Variants in DCP1B observed in about 807,000 individuals in gnomAD.
The protein encoded by DCP1B is mRNA-decapping enzyme 1B.
Under a neutral mutation model 60.5 loss-of-function variants are expected in DCP1B, and 47 were observed. That is an observed-to-expected ratio of 0.78 (90% CI 0.61 to 0.99). The LOEUF (loss-of-function observed/expected upper bound fraction) is 0.99, where lower values mean the gene tolerates loss of function less well. DCP1B is among the 50% of genes least tolerant of loss of function. DCP1B has a pLI of 0.00. For missense variants in DCP1B, 725 were observed against 756.8 expected, an observed-to-expected ratio of 0.96 and a Z score of 0.49; for synonymous variants, 267 against 280.3, an observed-to-expected ratio of 0.95 and a Z score of 0.47.
chr12:1,992,023 C>T (rs2039547984), intron 3 of DCP1B: 1 of 307,682 alleles, frequency 3.3e-6, no homozygotes, highest in Admixed American at 3.5e-5. Flanking sequence ...CAAAACAATT[C>T]AAACTATAAA....
intron 3 of DCP1B, among the ~76,000 whole-genome samples, chr12:1,985,604 T>C (rs1468336799): frequency 1.3e-5 from 2 of 152,222 alleles, no homozygotes; most frequent in East Asian, 3.8e-4. Flanking sequence ...TACTGATTTT[T>C]TCCTTGACAG....
At position 1,948,498 on chromosome 12, in the gene DCP1B, G is replaced by A. The variant is rs1225938471; in HGVS notation, c.1773+588C>T. Among the ~76,000 whole-genome samples, 1 of 152,246 alleles carries A rather than the reference G, an allele frequency of 6.6e-6. No individual in the cohort carries two copies. Among genetic ancestry groups the A allele is most frequent in the Non-Finnish European group, 1.5e-5 (1 of 68,036 alleles). On this transcript the variant is annotated intron_variant, in intron 8 of 8. Coordinates refer to ENST00000280665, the MANE Select transcript of DCP1B (RefSeq NM_152640.5). The surrounding 1 kb of genome is among the most constrained non-coding windows in gnomAD (Gnocchi z 4.8). ...GGGCCCGGCGCCAGCTCTGTGGAGTGTTAGCTATTATAGCACTCATTATTA... is the reference window on the plus strand; with the variant it reads ...GGGCCCGGCGCCAGCTCTGTGGAGTATTAGCTATTATAGCACTCATTATTA...
intron 4 of DCP1B, 126 bp from the exon 5 acceptor site, chr12:1,965,819 T>C (rs570964218): frequency 8.9e-6 from 11 of 1,238,768 alleles, no homozygotes; most frequent in Non-Finnish European, 2.1e-6. Flanking sequence ...TAAGCTTGCT[T>C]AGGAATTTAA....
At chr12:1,981,100 T>C (rs1237988633) in intron 3 of DCP1B, among the ~76,000 whole-genome samples, 1 of 152,200 alleles carries the variant, frequency 6.6e-6, no homozygotes, top group Non-Finnish European at 1.5e-5. Context: ...ATGATGAGGA[T>C]GTATGGCATT....
In DCP1B at chr12:1,977,939, A is replaced by G. The variant is rs559485332; in HGVS notation, c.320-10029T>C. Among the ~76,000 whole-genome samples, 4 of 152,350 alleles carry G rather than the reference A, an allele frequency of 2.6e-5. No individual in the cohort carries two copies. In the South Asian group the frequency reaches 8.3e-4, roughly 32 times the overall value. Reference sequence around the variant, plus strand: ...AGCCACCAAGAAAATATCTACTATTATATTTTTAAACTGTATTGTTTTTAT... The same window carrying G: ...AGCCACCAAGAAAATATCTACTATTGTATTTTTAAACTGTATTGTTTTTAT... On this transcript the variant is annotated intron_variant, in intron 3 of 8. Coordinates refer to ENST00000280665, the MANE Select transcript of DCP1B (RefSeq NM_152640.5).
chr12:1,954,749 TTGG>T (rs1434678388), intron 6 of DCP1B, among the ~76,000 whole-genome samples: 7 of 152,210 alleles, frequency 4.6e-5, no homozygotes, highest in Non-Finnish European at 1.0e-4. Flanking sequence ...CTCTGTGTCC[TTGG>T]TGGTTCTCCC....
intron 2 of DCP1B, 110 bp downstream of exon 2, chr12:1,997,825 C>A (rs767376481): frequency 1.1e-5 from 10 of 911,112 alleles, no homozygotes; most frequent in South Asian, 3.2e-5. Context: ...AGATTTAATT[C>A]TTTTACTTCT....
intron 1 of DCP1B, 75 bp downstream of exon 1, chr12:2,004,204 GTCC>G (rs1291800345): frequency 1.3e-6 from 2 of 1,576,368 alleles, no homozygotes; most frequent in South Asian, 1.1e-5. Flanking sequence ...CCCTCACCGG[GTCC>G]TCAAGTCCTG....
chr12:1,966,791 G>A (rs1228123963), intron 4 of DCP1B, among the ~76,000 whole-genome samples: 2 of 152,214 alleles, frequency 1.3e-5, no homozygotes, highest in Non-Finnish European at 2.9e-5. Context: ...TCTGCACCTT[G>A]AGCTAGTTAC....
intron 3 of DCP1B, among the ~76,000 whole-genome samples, chr12:1,979,036 G>A (rs2154463544): frequency 6.6e-6 from 1 of 152,300 alleles, no homozygotes; most frequent in Non-Finnish European, 1.5e-5. Flanking sequence ...TGCTTTCGGA[G>A]TCTCACTCTG....
At position 1,991,690 on chromosome 12, in the gene DCP1B, G is replaced by C. The variant is rs977657924; in HGVS notation, c.319+1574C>G. On this transcript the variant is annotated intron_variant, in intron 3 of 8. Transcript: ENST00000280665. ...GTGGACAGCACACGCTTAGAACCAA[G>C]GTGTATGTTTATTAGATCTAAATAG... is the stretch of plus-strand genomic sequence containing the variant. 14 of 161,668 alleles carry C rather than the reference G, an allele frequency of 8.7e-5. No homozygotes were observed. The South Asian group carries it at 2.2e-3, about 25-fold the overall frequency. 10.0% of individuals were successfully genotyped at this position (161,668 alleles called of 1,614,324 possible). A position where few individuals can be genotyped will look rare whatever the true frequency, so the allele number is the denominator to read the frequency against.
At chr12:1,964,063 A>AT (rs2031214387) in intron 5 of DCP1B, among the ~76,000 whole-genome samples, 1 of 152,190 alleles carries the variant, frequency 6.6e-6, no homozygotes, top group Admixed American at 6.5e-5. Flanking sequence ...AAATGCCAAC[A>AT]TTACTACAAA....
At chr12:1,980,544 C>T (rs931633849) in intron 3 of DCP1B, among the ~76,000 whole-genome samples, 4 of 151,412 alleles carry the variant, frequency 2.6e-5, no homozygotes, top group East Asian at 1.9e-4. Flanking sequence ...TTTCATTATC[C>T]CAAAGGTATC....
intron 5 of DCP1B, among the ~76,000 whole-genome samples, chr12:1,959,832 C>T (rs184185665): frequency 1.0e-3 from 157 of 151,990 alleles, no homozygotes; most frequent in Non-Finnish European, 2.6e-4. Context: ...TGGTGGAGGG[C>T]GCCTGTAGTC....
chr12:1,986,762 A>T (rs1380418948), intron 3 of DCP1B, among the ~76,000 whole-genome samples: 2 of 152,090 alleles, frequency 1.3e-5, no homozygotes, highest in African/African-American at 4.8e-5. Flanking sequence ...TCACCACCAT[A>T]GCAGTTTTTC....
intron 7 of DCP1B, chr12:1,950,189 C>G: frequency 1.6e-6 from 1 of 606,400 alleles, no homozygotes. Flanking sequence ...TAATCAATCC[C>G]TTAGCGTCTC....
intron 3 of DCP1B, among the ~76,000 whole-genome samples, chr12:1,968,410 G>C (rs115317082): frequency 6.7e-6 from 1 of 149,632 alleles, no homozygotes; most frequent in African/African-American, 2.5e-5. Context: ...TGGTGGTTTT[G>C]TGCAAAGACG....
chr12:1,955,798 C>A (rs1374819951), intron 5 of DCP1B, among the ~76,000 whole-genome samples: 1 of 152,092 alleles, frequency 6.6e-6, no homozygotes, highest in Non-Finnish European at 1.5e-5. Flanking sequence ...CAACACCAGC[C>A]TCCAGGACCA....
chr12:1,970,130 G>A (rs1002416838), intron 3 of DCP1B, among the ~76,000 whole-genome samples: 1 of 152,166 alleles, frequency 6.6e-6, no homozygotes, highest in African/African-American at 2.4e-5. Flanking sequence ...CAAGAAAACT[G>A]TTGATACAAA....
Sources: allele counts gnomAD v4.1 joint callset (sites outside exome capture counted in the v4.1 genomes callset), GRCh38; gene constraint gnomAD v4.1.1; non-coding constraint Gnocchi (gnomAD v3.1); transcripts MANE v1.5; gene names NCBI Gene and HGNC (gene_info 2026-07-23, HGNC 2026-07-21).